DIS3L2: variants seen among roughly 807,000 people sequenced by gnomAD.
DIS3L2 encodes DIS3-like exonuclease 2.
In DIS3L2, 34 loss-of-function variants were observed where a neutral mutation model predicts 97.5. That is an observed-to-expected ratio of 0.35 (90% CI 0.27 to 0.46). The LOEUF is 0.46. DIS3L2 is among the 20% of genes least tolerant of loss of function. The pLI is 1.00. For synonymous variants in DIS3L2, 435 were observed against 445.2 expected (o/e 0.98, Z 0.29); for missense variants, 1,038 against 1,146.0 (o/e 0.91, Z 1.36).
chr2:232,334,316 G>C, intron 17 of DIS3L2, 53 bp from the exon 18 acceptor site: 1 of 1,589,522 alleles, frequency 6.3e-7, no homozygotes, highest in Non-Finnish European at 8.6e-7. Flanking sequence ...CCCAGCCATA[G>C]CTCTTCCCAG....
intron 9 of DIS3L2, among the ~76,000 whole-genome samples, chr2:232,202,811 G>A (rs912408205): frequency 6.6e-6 from 1 of 152,214 alleles, no homozygotes; most frequent in Non-Finnish European, 1.5e-5. Flanking sequence ...TGTGTTTTGT[G>A]TCTGCTTCTT....
At chr2:232,104,135 T>C (rs935246920) in intron 6 of DIS3L2, among the ~76,000 whole-genome samples, 1 of 152,188 alleles carries the variant, frequency 6.6e-6, no homozygotes, top group African/African-American at 2.4e-5. Flanking sequence ...ATATGGTAAA[T>C]GTGAGATGGT....
At chr2:232,323,529 A>G (rs56022531) in intron 14 of DIS3L2, among the ~76,000 whole-genome samples, 11,823 of 152,198 alleles carry the variant, frequency 0.078, 1,004 homozygotes, top group East Asian at 0.45. Context: ...AGGCCCTGCC[A>G]TGGACTGAGC....
At chr2:231,962,535 T>C (rs530778619) in intron 1 of DIS3L2, among the ~76,000 whole-genome samples, 9 of 151,388 alleles carry the variant, frequency 5.9e-5, no homozygotes, top group Middle Eastern at 3.4e-3. Flanking sequence ...CCTGGGTTCA[T>C]GCCATTCTTC....
At chr2:231,969,397 A>T (rs189350207) in intron 1 of DIS3L2, among the ~76,000 whole-genome samples, 1 of 143,210 alleles carries the variant, frequency 7.0e-6, no homozygotes, top group Admixed American at 7.4e-5. Context: ...TGCAACCTCT[A>T]CCTCCCAGGT....
intron 14 of DIS3L2, among the ~76,000 whole-genome samples, chr2:232,300,960 T>C (rs1694839158): frequency 6.8e-6 from 1 of 147,044 alleles, no homozygotes. Flanking sequence ...AGCCACAGAC[T>C]GCCTCCTTGA....
At position 232,336,945 on chromosome 2, in the gene DIS3L2, G is replaced by C. The variant is rs192296021; in HGVS notation, c.*315G>C. On this transcript the variant is annotated 3_prime_UTR_variant, in exon 21 of 21. Coordinates refer to ENST00000325385, the MANE Select transcript of DIS3L2 (RefSeq NM_152383.5). The stretch of plus-strand genomic sequence containing the variant: ...GAAATGGGGGGGTTTCAGCAACTCA[G>C]TGTCACAGAATAAAATCAAGTGTGG... 1,295 of 1,192,642 alleles carry C rather than the reference G, an allele frequency of 1.1e-3. 16 individuals are homozygous for C. In the African/African-American group the frequency reaches 0.019, roughly 17 times the overall value. 73.9% of individuals were successfully genotyped at this position (1,192,642 alleles called of 1,614,324 possible).
rs140014453 is a variant in DIS3L2, at chr2:232,024,443, C to T, written c.264+113C>T. 358 of 797,478 alleles carry T rather than the reference C, an allele frequency of 4.5e-4. 2 individuals carry two copies. In the East Asian group the frequency reaches 9.4e-3, roughly 21 times the overall value. The allele number at this position is 797,478 out of a possible 1,614,324, so 49.4% of individuals were successfully genotyped here. ...AAGCAGAGTAGTGAAACAAAATTGA[C>T]GATGGGCAAAGATTTGTTTCAAATT... On this transcript the variant is annotated intron_variant, in intron 4 of 20. Transcript: ENST00000325385.
intron 1 of DIS3L2, among the ~76,000 whole-genome samples, chr2:232,009,823 C>T (rs1694147501): frequency 6.6e-6 from 1 of 152,176 alleles, no homozygotes; most frequent in African/African-American, 2.4e-5. Flanking sequence ...TTAGTCTCCA[C>T]GTTGGTCTGC....
chr2:231,992,274 G>T (rs1486765897), intron 1 of DIS3L2, among the ~76,000 whole-genome samples: 2 of 152,118 alleles, frequency 1.3e-5, no homozygotes, highest in Non-Finnish European at 2.9e-5. Flanking sequence ...TTAAGAGTGA[G>T]GTTGGAGTAG....
rs866354906 is a variant in DIS3L2 at position 232,210,380 on chromosome 2, C to A, written c.1179C>A (p.Ala393=). Residue 393 remains alanine, a synonymous_variant, in exon 10 of 21, where the codon GCC becomes GCA. Transcript: ENST00000325385. ...CAACCGCCCGAGACCTCGATGATGC[C>A]CTCTCCTGCAAGCCACTCGCTGACG... ...DPSTARDLDD[A]LSCKPLADGN... 6.2e-7 allele frequency: 1 copy of A among 1,613,604 alleles called. No homozygotes were observed. The highest frequency in any genetic ancestry group is 1.7e-5 in the Admixed American group (1 of 60,002).
At chr2:232,192,674 G>T (rs1265116891) in intron 9 of DIS3L2, among the ~76,000 whole-genome samples, 1 of 152,238 alleles carries the variant, frequency 6.6e-6, no homozygotes, top group Non-Finnish European at 1.5e-5. Context: ...CAGTGTGGAA[G>T]TGGTGACTGT....
chr2:232,024,394 C>A, intron 4 of DIS3L2, 64 bp downstream of exon 4: 1 of 1,274,542 alleles, frequency 7.8e-7, no homozygotes, highest in Non-Finnish European at 1.1e-6. Context: ...TGCTCCGAAA[C>A]TGAAATCATA....
intron 9 of DIS3L2, among the ~76,000 whole-genome samples, chr2:232,204,840 G>A (rs939650505): frequency 2.6e-5 from 4 of 152,240 alleles, no homozygotes; most frequent in Non-Finnish European, 2.9e-5. Flanking sequence ...TAGCCACTGC[G>A]GCTTGCAAGC....
intron 8 of DIS3L2, among the ~76,000 whole-genome samples, chr2:232,144,061 C>G (rs1005168758): frequency 2.0e-5 from 3 of 151,980 alleles, no homozygotes; most frequent in Non-Finnish European, 4.4e-5. Context: ...GATAATATTT[C>G]CATTTTCTGA....
chr2:232,229,365 C>T (rs1269274350), intron 10 of DIS3L2, among the ~76,000 whole-genome samples: 2 of 152,176 alleles, frequency 1.3e-5, no homozygotes, highest in African/African-American at 4.8e-5. Flanking sequence ...TAATGACCTT[C>T]TAGGGTCCTT....
At chr2:232,074,167 T>A (rs1406104198) in intron 5 of DIS3L2, among the ~76,000 whole-genome samples, 1 of 152,258 alleles carries the variant, frequency 6.6e-6, no homozygotes, top group Non-Finnish European at 1.5e-5. Context: ...GCCTCCCAAT[T>A]TTATTCATTT....
intron 5 of DIS3L2, among the ~76,000 whole-genome samples, chr2:232,074,487 T>C (rs940688815): frequency 4.0e-5 from 6 of 148,342 alleles, no homozygotes; most frequent in African/African-American, 1.3e-4. Context: ...CTCAGAAATA[T>C]AAAAATGAAT....
At chr2:232,234,019 G>C (rs1422818743) in intron 10 of DIS3L2, among the ~76,000 whole-genome samples, 3 of 152,172 alleles carry the variant, frequency 2.0e-5, no homozygotes, top group Non-Finnish European at 4.4e-5. Context: ...GGCTTCCTTG[G>C]AGTTATGAGA....
Sources: allele counts gnomAD v4.1 joint callset (sites outside exome capture counted in the v4.1 genomes callset), GRCh38; gene constraint gnomAD v4.1.1; transcripts MANE v1.5; gene names NCBI Gene and HGNC (gene_info 2026-07-23, HGNC 2026-07-21).